Variants in RSF1 observed in about 807,000 individuals in gnomAD.
RSF1 encodes the protein HBV pX-associated protein 8.
A neutral mutation model predicts 145.2 loss-of-function variants in RSF1; 13 were observed. The ratio of observed to expected loss-of-function variants is 0.09; its 90% confidence interval spans 0.06 to 0.14. The LOEUF is 0.14. Ranked by LOEUF, RSF1 falls within the 10% of genes least tolerant of loss-of-function variation. The probability of loss-of-function intolerance (pLI) is 1.00; values close to 1 mark genes in which losing one functional copy is unlikely to be tolerated. For missense variants in RSF1, 1,517 were observed against 1,718.2 expected, an observed-to-expected ratio of 0.88 and a Z score of 2.07; for synonymous variants, 577 against 592.6, an observed-to-expected ratio of 0.97 and a Z score of 0.38.
At chr11:77,674,695 G>C (rs1328420994) in intron 14 of RSF1, among the ~76,000 whole-genome samples, 1 of 152,190 alleles carries the variant, frequency 6.6e-6, no homozygotes, top group Non-Finnish European at 1.5e-5. Context: ...CTTAACTCCA[G>C]AAGTCATAAG....
At chr11:77,681,639 C>G (rs1590826656) in intron 11 of RSF1, among the ~76,000 whole-genome samples, 1 of 152,192 alleles carries the variant, frequency 6.6e-6, no homozygotes, top group Non-Finnish European at 1.5e-5. Flanking sequence ...CTGCACCTAG[C>G]TGAAATGAGT....
At chr11:77,753,120 G>A (rs1948080946) in intron 2 of RSF1, among the ~76,000 whole-genome samples, 2 of 152,224 alleles carry the variant, frequency 1.3e-5, no homozygotes, top group Admixed American at 1.3e-4. Flanking sequence ...TGCCTATGGA[G>A]TAGCCATTCT....
At chr11:77,746,588 A>C (rs1948004587) in intron 3 of RSF1, among the ~76,000 whole-genome samples, 1 of 152,110 alleles carries the variant, frequency 6.6e-6, no homozygotes, top group South Asian at 2.1e-4. Flanking sequence ...AGAAAGGAAA[A>C]CTCAAACTTG....
At chr11:77,703,705 A>C (rs1194112767) in intron 5 of RSF1, among the ~76,000 whole-genome samples, 1 of 152,200 alleles carries the variant, frequency 6.6e-6, no homozygotes. Flanking sequence ...AAGCAACTGT[A>C]ATCAGTATTT....
At chr11:77,731,040 G>A (rs1372952916) in intron 4 of RSF1, among the ~76,000 whole-genome samples, 2 of 152,220 alleles carry the variant, frequency 1.3e-5, no homozygotes, top group African/African-American at 4.8e-5. Context: ...GAGGTTGGAA[G>A]AGTTTGGAGG....
chr11:77,781,432 T>C (rs1362093662), intron 1 of RSF1, among the ~76,000 whole-genome samples: 2 of 152,214 alleles, frequency 1.3e-5, no homozygotes, highest in Admixed American at 6.5e-5. Flanking sequence ...AAAGCTGCTA[T>C]GAATATTTCT....
chr11:77,718,325 AAC>A (rs986994347), intron 5 of RSF1: 6 of 152,214 alleles, frequency 3.9e-5, no homozygotes, highest in Admixed American at 1.3e-4. Flanking sequence ...AAGAAAAAAA[AAC>A]AGTTTTGATA....
chr11:77,765,363 T>C (rs1483850424), intron 1 of RSF1, among the ~76,000 whole-genome samples: 1 of 152,222 alleles, frequency 6.6e-6, no homozygotes, highest in Non-Finnish European at 1.5e-5. Flanking sequence ...CCTTGTCTGA[T>C]GTGTTAAACT....
At chr11:77,741,249 T>G (rs1947932858) in intron 3 of RSF1, among the ~76,000 whole-genome samples, 1 of 152,124 alleles carries the variant, frequency 6.6e-6, no homozygotes, top group Admixed American at 6.5e-5. Flanking sequence ...TGGTATAAGA[T>G]TTTCTGTTTT....
chr11:77,868,701 T>TTG, the RSF1 span: 45 of 183,594 alleles, frequency 2.5e-4, no homozygotes, highest in African/African-American at 6.8e-4. Context: ...TGTTGTTGTT[T>TTG]TTTAACACAA....
the RSF1 span, among the ~76,000 whole-genome samples, chr11:77,861,881 GT>G: frequency 6.6e-6 from 1 of 152,090 alleles, no homozygotes; most frequent in African/African-American, 2.4e-5. Flanking sequence ...GGGTTTCTAA[GT>G]TTTTTGAAGT....
the RSF1 span, chr11:77,842,526 A>T: frequency 6.2e-7 from 1 of 1,613,984 alleles, no homozygotes; most frequent in Non-Finnish European, 8.5e-7. Flanking sequence ...CTTCCTTATC[A>T]TGGGGGCAAA....
At chr11:77,728,559 G>A (rs1369587769) in intron 4 of RSF1, among the ~76,000 whole-genome samples, 3 of 151,106 alleles carry the variant, frequency 2.0e-5, no homozygotes, top group African/African-American at 7.3e-5. Flanking sequence ...GAAAGGGAAG[G>A]GGAAAAGGAA....
rs572835392 is a variant in RSF1 at position 77,674,532 on chromosome 11, G to A, written c.3562+504C>T. ...AAACCCTATGAAGATGAAGGTTTAG[G>A]AGTGGAAACATTTGACAACCAAGGA... On this transcript the variant is annotated intron_variant, in intron 14 of 15. Transcript: ENST00000308488. Among the ~76,000 whole-genome samples the A allele has an allele frequency of 3.3e-5, 5 of 152,344 alleles. No homozygotes were observed. The East Asian group carries it at 9.6e-4, about 29-fold the overall frequency.
chr11:77,820,696 C>CTGCCGCCGCCGT lies in RSF1; in HGVS notation c.7_18dup (p.Thr3_Ala6dup), dbSNP rs1333074658. 2 of 1,550,070 alleles carry CTGCCGCCGCCGT rather than the reference C, an allele frequency of 1.3e-6. No individual in the cohort carries two copies. The highest frequency in any genetic ancestry group is 2.4e-5 in the South Asian group (2 of 84,062). On this transcript the variant is annotated inframe_insertion, in exon 1 of 16. Coordinates refer to ENST00000308488, the MANE Select transcript of RSF1 (RefSeq NM_016578.4). ...CCCGGAGGAGCCATCACCGCCGCCG[C>CTGCCGCCGCCGT]TGCCGCCGCCGTCGCCATTTTGAAC...
intron 2 of RSF1, among the ~76,000 whole-genome samples, chr11:77,752,335 A>C (rs1456003615): frequency 6.6e-6 from 1 of 152,186 alleles, no homozygotes; most frequent in Non-Finnish European, 1.5e-5. Flanking sequence ...CGTATACGGT[A>C]AGAAAGAAAG....
At chr11:77,704,415 GTATC>G (rs1469057727) in intron 5 of RSF1, among the ~76,000 whole-genome samples, 2 of 152,172 alleles carry the variant, frequency 1.3e-5, no homozygotes, top group Admixed American at 1.3e-4. Flanking sequence ...GGTTCAGAAA[GTATC>G]TAAAGATTTC....
chr11:77,869,676 A>C, the RSF1 span: 1 of 1,556,928 alleles, frequency 6.4e-7, no homozygotes, highest in Non-Finnish European at 8.9e-7. Context: ...TATTGCAATG[A>C]AAGATTGAGA....
chr11:77,802,663 C>A (rs533355908), intron 1 of RSF1, among the ~76,000 whole-genome samples: 2 of 152,228 alleles, frequency 1.3e-5, no homozygotes, highest in South Asian at 2.1e-4. Context: ...CCTGCCTCAG[C>A]CTCCCAAGTA....
Sources: gnomAD v4.1 joint callset for allele counts (sites outside exome capture counted in the v4.1 genomes callset) on GRCh38, gnomAD v4.1.1 for gene constraint, MANE v1.5 for transcripts, NCBI Gene and HGNC (gene_info 2026-07-23, HGNC 2026-07-21) for gene names.